ADAMTS6: variants seen among roughly 807,000 people sequenced by gnomAD.
The protein encoded by ADAMTS6 is A disintegrin and metalloproteinase with thrombospondin motifs 6.
Under a neutral mutation model 144.3 loss-of-function variants are expected in ADAMTS6, and 23 were observed. That is an observed-to-expected ratio of 0.16 (90% CI 0.11 to 0.23). The LOEUF is 0.23. ADAMTS6 is among the 10% of genes least tolerant of loss of function. The pLI, the probability that ADAMTS6 is intolerant of heterozygous loss-of-function variation, is 1.00. For missense variants in ADAMTS6, 999 were observed against 1,379.6 expected (o/e 0.72, Z 4.37); for synonymous variants, 444 against 457.5 (o/e 0.97, Z 0.38).
At chr5:65,160,879 T>G (rs910921886) in intron 24 of ADAMTS6, among the ~76,000 whole-genome samples, 6 of 149,896 alleles carry the variant, frequency 4.0e-5, no homozygotes, top group Non-Finnish European at 7.4e-5. Context: ...CTTGAACTCC[T>G]GATCTCATGT....
intron 10 of ADAMTS6, among the ~76,000 whole-genome samples, chr5:65,298,794 T>C (rs1312620793): frequency 6.6e-6 from 1 of 152,158 alleles, no homozygotes; most frequent in Non-Finnish European, 1.5e-5. Context: ...TTGATTTGTT[T>C]TTTAATAAAG....
chr5:65,210,657 A>G, intron 20 of ADAMTS6: 1 of 620,026 alleles, frequency 1.6e-6, no homozygotes. Flanking sequence ...GTACCAAACA[A>G]TTCCCTGGTT....
chr5:65,414,253 TA>T (rs1212559877), intron 7 of ADAMTS6, among the ~76,000 whole-genome samples: 1 of 152,200 alleles, frequency 6.6e-6, no homozygotes, highest in African/African-American at 2.4e-5. Context: ...CTCAGGCTTT[TA>T]AAATTATTTT....
chr5:65,457,521 C>T (rs1403865587), intron 4 of ADAMTS6, among the ~76,000 whole-genome samples: 1 of 151,710 alleles, frequency 6.6e-6, no homozygotes, highest in Admixed American at 6.6e-5. Flanking sequence ...TAAGGATCTG[C>T]CTGAGTTAAA....
At chr5:65,163,818 T>C (rs1424186186) in intron 24 of ADAMTS6, among the ~76,000 whole-genome samples, 1 of 152,252 alleles carries the variant, frequency 6.6e-6, no homozygotes, top group African/African-American at 2.4e-5. Context: ...CACTATGCCA[T>C]GTTTGTCTTC....
At chr5:65,318,903 A>C (rs1321699330) in intron 9 of ADAMTS6, among the ~76,000 whole-genome samples, 1 of 152,202 alleles carries the variant, frequency 6.6e-6, no homozygotes, top group African/African-American at 2.4e-5. Flanking sequence ...TTGTAATACA[A>C]AGGATACATG....
chr5:65,178,831 C>T (rs1444846307), intron 22 of ADAMTS6, among the ~76,000 whole-genome samples: 2 of 152,094 alleles, frequency 1.3e-5, no homozygotes, highest in Non-Finnish European at 2.9e-5. Flanking sequence ...TATGAAAATC[C>T]CCGCATAACC....
At chr5:65,280,828 GA>G (rs1461676371) in intron 11 of ADAMTS6, among the ~76,000 whole-genome samples, 2 of 152,132 alleles carry the variant, frequency 1.3e-5, no homozygotes. Flanking sequence ...AATGACTGGG[GA>G]AAAAATATGC....
chr5:65,330,067 T>C (rs1176130322), intron 8 of ADAMTS6, among the ~76,000 whole-genome samples: 1 of 152,118 alleles, frequency 6.6e-6, no homozygotes, highest in African/African-American at 2.4e-5. Flanking sequence ...CAACAATTTC[T>C]TTTAGTATTT....
chr5:65,150,306 C>G lies in ADAMTS6; in HGVS notation c.*1530G>C, dbSNP rs1425472823. 6.6e-6 allele frequency: 1 copy of G among 152,612 alleles called. No individual in the cohort carries two copies. Among genetic ancestry groups the G allele is most frequent in the Non-Finnish European group, 1.5e-5 (1 of 68,038 alleles). The allele number at this position is 152,612 out of a possible 1,614,324, so 9.5% of individuals were successfully genotyped here. On this transcript the variant is annotated 3_prime_UTR_variant, in exon 25 of 25. Transcript: ENST00000381055. ...CATTTTGGACACAAAGCACATTCAT[C>G]AAGAACCTGCTGCAAGCTACACGTG...
At chr5:65,279,554 T>G (rs968440602) in intron 11 of ADAMTS6, among the ~76,000 whole-genome samples, 4 of 151,558 alleles carry the variant, frequency 2.6e-5, no homozygotes, top group African/African-American at 9.7e-5. Context: ...TGACCTCAAG[T>G]GATCTGCCTG....
chr5:65,445,278 T>C (rs193145244), intron 7 of ADAMTS6, among the ~76,000 whole-genome samples: 157 of 152,320 alleles, frequency 1.0e-3, no homozygotes, highest in African/African-American at 3.5e-3. Flanking sequence ...CACCAGGTCC[T>C]AATATGTGCC....
At chr5:65,188,301 A>C in intron 21 of ADAMTS6, 81 bp from the exon 22 acceptor site, 1 of 1,304,090 alleles carries the variant, frequency 7.7e-7, no homozygotes, top group Non-Finnish European at 1.1e-6. Flanking sequence ...AGGCACTTTC[A>C]CTGATGGACT....
chr5:65,195,565 G>A (rs1671756628), intron 21 of ADAMTS6, among the ~76,000 whole-genome samples: 2 of 152,136 alleles, frequency 1.3e-5, no homozygotes, highest in African/African-American at 4.8e-5. Context: ...AGTTCAAAAG[G>A]CATTATTGCT....
chr5:65,369,534 T>A (rs6898696), intron 7 of ADAMTS6, among the ~76,000 whole-genome samples: 18,351 of 137,256 alleles, frequency 0.13, 1,255 homozygotes, highest in African/African-American at 0.19. Flanking sequence ...CTGTTACGCT[T>A]CATTAAAAAA....
chr5:65,260,228 G>T (rs1761058789), intron 14 of ADAMTS6, among the ~76,000 whole-genome samples: 1 of 152,162 alleles, frequency 6.6e-6, no homozygotes, highest in African/African-American at 2.4e-5. Context: ...GATAATGTAG[G>T]AGTCTGGGGC....
chr5:65,478,328 T>C (rs1760978335), intron 1 of ADAMTS6, among the ~76,000 whole-genome samples: 1 of 152,176 alleles, frequency 6.6e-6, no homozygotes, highest in South Asian at 2.1e-4. Context: ...AGACTAACAT[T>C]GAAATACCAA....
intron 7 of ADAMTS6, among the ~76,000 whole-genome samples, chr5:65,389,512 A>T (rs555654453): frequency 6.6e-6 from 1 of 152,144 alleles, no homozygotes; most frequent in East Asian, 1.9e-4. Flanking sequence ...ATATTTGTAC[A>T]TATTTAAACA....
At chr5:65,159,232 T>C (rs1398944138) in intron 24 of ADAMTS6, among the ~76,000 whole-genome samples, 1 of 152,180 alleles carries the variant, frequency 6.6e-6, no homozygotes, top group Non-Finnish European at 1.5e-5. Flanking sequence ...GCCTGGACTC[T>C]TAGAAAAATT....
Sources: allele counts gnomAD v4.1 joint callset (sites outside exome capture counted in the v4.1 genomes callset), GRCh38; gene constraint gnomAD v4.1.1; transcripts MANE v1.5; gene names NCBI Gene and HGNC (gene_info 2026-07-23, HGNC 2026-07-21).